ASIC2: variants seen among roughly 807,000 people sequenced by gnomAD.
The protein encoded by ASIC2 is acid sensing ion channel subunit 2.
In ASIC2, 25 loss-of-function variants were observed where a neutral mutation model predicts 57.3. The observed-to-expected ratio is 0.44, with a 90% CI of 0.32 to 0.61. The LOEUF (loss-of-function observed/expected upper bound fraction) is 0.61, where lower values mean the gene tolerates loss of function less well. ASIC2 is among the 20% of genes least tolerant of loss of function. The pLI, the probability that ASIC2 is intolerant of heterozygous loss-of-function variation, is 0.06. For synonymous variants in ASIC2, 319 were observed against 307.5 expected (o/e 1.04, Z -0.39); for missense variants, 641 against 738.1 (o/e 0.87, Z 1.52).
chr17:34,039,613 TA>T, intron 1 of ASIC2: 1 of 1,613,668 alleles, frequency 6.2e-7, no homozygotes, highest in South Asian at 1.1e-5. Flanking sequence ...AAACTCAAAG[TA>T]ATCACTAATT....
At chr17:33,051,452 C>A (rs955605378) in intron 3 of ASIC2, among the ~76,000 whole-genome samples, 3 of 152,172 alleles carry the variant, frequency 2.0e-5, no homozygotes, top group Non-Finnish European at 2.9e-5. Flanking sequence ...ATATTCACAG[C>A]CCTGTGAATT....
intron 1 of ASIC2, among the ~76,000 whole-genome samples, chr17:33,390,451 T>C (rs1256858873): frequency 6.6e-6 from 1 of 152,206 alleles, no homozygotes; most frequent in African/African-American, 2.4e-5. Flanking sequence ...ATGCAACAAA[T>C]AGCCCCAAAA....
intron 1 of ASIC2, among the ~76,000 whole-genome samples, chr17:33,348,329 C>A (rs1048738392): frequency 2.0e-5 from 3 of 151,904 alleles, no homozygotes; most frequent in East Asian, 1.9e-4. Context: ...AAGAACTCTG[C>A]GTGTGTATGT....
At chr17:33,783,709 T>C (rs1295682952) in intron 1 of ASIC2, among the ~76,000 whole-genome samples, 3 of 152,172 alleles carry the variant, frequency 2.0e-5, no homozygotes, top group Admixed American at 2.0e-4. Context: ...CTAATATAAG[T>C]TTGAAAAAAC....
At chr17:33,128,177 G>A (rs1261602382) in intron 1 of ASIC2, among the ~76,000 whole-genome samples, 1 of 152,186 alleles carries the variant, frequency 6.6e-6, no homozygotes, top group African/African-American at 2.4e-5. Context: ...ATGCCCTCCT[G>A]GGGCTTTGCC....
chr17:33,859,837 C>T (rs1914059247), intron 1 of ASIC2, among the ~76,000 whole-genome samples: 1 of 152,134 alleles, frequency 6.6e-6, no homozygotes, highest in Admixed American at 6.5e-5. Flanking sequence ...GGTGCATGTG[C>T]TACCACACCT....
At chr17:33,579,222 G>A (rs1032656100) in intron 1 of ASIC2, among the ~76,000 whole-genome samples, 8 of 149,562 alleles carry the variant, frequency 5.3e-5, no homozygotes, top group African/African-American at 1.7e-4. Context: ...GGAGGCAGAG[G>A]TTGCAGTGAG....
At chr17:33,740,184 A>G (rs1910065564) in intron 1 of ASIC2, among the ~76,000 whole-genome samples, 1 of 152,256 alleles carries the variant, frequency 6.6e-6, no homozygotes, top group African/African-American at 2.4e-5. Context: ...GGTTTATGGC[A>G]GATGAAGCAC....
intron 1 of ASIC2, chr17:33,580,308 A>G (rs931189065): frequency 5.3e-5 from 8 of 152,250 alleles, no homozygotes; most frequent in African/African-American, 1.7e-4. Context: ...GCACTGCTGC[A>G]ACTCTGGGTA....
At chr17:33,691,609 T>C (rs1032900247) in intron 1 of ASIC2, among the ~76,000 whole-genome samples, 3 of 152,240 alleles carry the variant, frequency 2.0e-5, no homozygotes, top group African/African-American at 7.2e-5. Context: ...TACATTAAAG[T>C]GATTGTGCCT....
At chr17:33,172,906 G>A (rs1291426392) in intron 1 of ASIC2, among the ~76,000 whole-genome samples, 1 of 152,208 alleles carries the variant, frequency 6.6e-6, no homozygotes, top group East Asian at 1.9e-4. Flanking sequence ...TGTAGTGGAA[G>A]GAATGTCAGC....
intron 1 of ASIC2, among the ~76,000 whole-genome samples, chr17:34,065,289 C>T (rs186296296): frequency 1.3e-5 from 2 of 152,306 alleles, no homozygotes; most frequent in South Asian, 2.1e-4. Flanking sequence ...GAAAACCACA[C>T]ATCGTATGTT....
At position 33,187,869 on chromosome 17, in the gene ASIC2, A is replaced by G. The variant is rs182205551; in HGVS notation, c.709-75802T>C. The stretch of plus-strand genomic sequence containing the variant: ...GATAACATCCAACAACATGACATTC[A>G]TAACGCCTGACAGCCAATCAAAAAT... On this transcript the variant is annotated intron_variant, in intron 1 of 9. Coordinates refer to ENST00000225823, the MANE Select transcript of ASIC2 (RefSeq NM_183377.2). Among the ~76,000 whole-genome samples, 18 of 151,528 alleles carry G rather than the reference A, an allele frequency of 1.2e-4. No homozygotes were observed. In the East Asian group the frequency reaches 3.5e-3, roughly 29 times the overall value.
At chr17:34,082,584 G>C (rs529021915) in intron 1 of ASIC2, among the ~76,000 whole-genome samples, 1 of 152,142 alleles carries the variant, frequency 6.6e-6, no homozygotes, top group Non-Finnish European at 1.5e-5. Flanking sequence ...GCAAAAATGC[G>C]GGGGAGTCCC....
chr17:34,084,480 A>C (rs1210283813), intron 1 of ASIC2, among the ~76,000 whole-genome samples: 3 of 152,220 alleles, frequency 2.0e-5, no homozygotes, highest in Non-Finnish European at 4.4e-5. Context: ...AGGTAGCGTG[A>C]TGCCTCCAGC....
chr17:33,480,268 C>T (rs1296570725), intron 1 of ASIC2, among the ~76,000 whole-genome samples: 1 of 151,564 alleles, frequency 6.6e-6, no homozygotes, highest in African/African-American at 2.4e-5. Flanking sequence ...ACTAAATAGA[C>T]AAAGAAATAA....
intron 1 of ASIC2, among the ~76,000 whole-genome samples, chr17:34,132,372 G>A (rs1040826231): frequency 6.6e-6 from 1 of 152,178 alleles, no homozygotes; most frequent in South Asian, 2.1e-4. Flanking sequence ...GGAAGGACAG[G>A]TAGACGGGTT....
At chr17:33,782,309 G>A (rs1911478343) in intron 1 of ASIC2, among the ~76,000 whole-genome samples, 1 of 148,636 alleles carries the variant, frequency 6.7e-6, no homozygotes, top group African/African-American at 2.5e-5. Context: ...TACATCTGTG[G>A]TCCTCTTTGA....
At chr17:33,215,281 A>G (rs542698424) in intron 1 of ASIC2, among the ~76,000 whole-genome samples, 63 of 152,356 alleles carry the variant, frequency 4.1e-4, no homozygotes, top group African/African-American at 1.5e-3. Context: ...GATGGCACCT[A>G]TCAAATGCCT....
Sources: allele counts gnomAD v4.1 joint callset (sites outside exome capture counted in the v4.1 genomes callset), GRCh38; gene constraint gnomAD v4.1.1; transcripts MANE v1.5; gene names NCBI Gene and HGNC (gene_info 2026-07-23, HGNC 2026-07-21).